The following CERS6 variants were observed in gnomAD, a reference collection of about 807,000 sequenced individuals.
CERS6 encodes the protein ceramide synthase 6.
In CERS6, 26 loss-of-function variants were observed where a neutral mutation model predicts 56.8. The ratio of observed to expected loss-of-function variants is 0.46; its 90% CI spans 0.34 to 0.63. The LOEUF is 0.63. Among genes scored for constraint, CERS6 ranks in the 30% least tolerant of loss-of-function variants. CERS6 has a pLI of 0.01. For synonymous variants in CERS6, 164 were observed against 173.3 expected, an observed-to-expected ratio of 0.95 and a Z score of 0.42; for missense variants, 415 against 467.5, an observed-to-expected ratio of 0.89 and a Z score of 1.04.
At chr2:168,592,146 C>T (rs1320211160) in intron 3 of CERS6, among the ~76,000 whole-genome samples, 1 of 152,190 alleles carries the variant, frequency 6.6e-6, no homozygotes, top group African/African-American at 2.4e-5. Context: ...ATGTACTTGA[C>T]TTACCAAAAG....
rs949746315 is a variant in CERS6 at position 168,714,233 on chromosome 2, T to G, written c.610-768T>G. On this transcript the variant is annotated intron_variant, in intron 6 of 9. Coordinates refer to ENST00000305747, the MANE Select transcript of CERS6 (RefSeq NM_203463.3). ...CTCCCAAATACCCCACCTCCTAATA[T>G]TATCGCCTTGAGCATTAAGATTTTA... Among the ~76,000 whole-genome samples the G allele has an allele frequency of 3.9e-5, 6 of 152,208 alleles. No individual in the cohort carries two copies. In the South Asian group the frequency reaches 1.0e-3, roughly 26 times the overall value.
In CERS6 at chr2:168,765,628, C is replaced by T. The variant is rs533838833; in HGVS notation, c.882C>T (p.Ile294=). The change falls in exon 9 of 10, where the codon ATC becomes ATT. Residue 294 remains isoleucine (I), a synonymous_variant. Coordinates refer to ENST00000305747, the MANE Select transcript of CERS6 (RefSeq NM_203463.3). ...LNTTLFESWE[I]VGPYPSWWVF... ...CCACATTATTTGAAAGCTGGGAGAT[C>T]GTTGGACCTTACCCTTCCTGGTGGG... is the stretch of plus-strand genomic sequence containing the variant. 1.5e-5 allele frequency: 25 copies of T among 1,613,920 alleles called. No individual in the cohort carries two copies. Among genetic ancestry groups the T allele is most frequent in the South Asian group, 7.7e-5 (7 of 91,056 alleles).
Position 168,770,625 on chromosome 2 carries a change from A to C in CERS6, c.*963A>C, listed in dbSNP as rs1002339878. 6.6e-6 allele frequency: 1 copy of C among 152,398 alleles called. No homozygotes were observed. Among genetic ancestry groups the C allele is most frequent in the Non-Finnish European group, 1.5e-5 (1 of 68,046 alleles). 9.4% of individuals were successfully genotyped at this position (152,398 alleles called of 1,614,324 possible). A position where few individuals can be genotyped will look rare whatever the true frequency, so the allele number is the denominator to read the frequency against. On this transcript the variant is annotated 3_prime_UTR_variant, in exon 10 of 10. Coordinates refer to ENST00000305747, the MANE Select transcript of CERS6 (RefSeq NM_203463.3). ...AGTTAACTATATTTGGGGACAAAAAAATATTTCAAGAGTTGATAAAGATTA... is the reference window on the plus strand; with the variant it reads ...AGTTAACTATATTTGGGGACAAAAACATATTTCAAGAGTTGATAAAGATTA...
chr2:168,675,814 G>C (rs1345643278), intron 4 of CERS6, among the ~76,000 whole-genome samples: 3 of 151,800 alleles, frequency 2.0e-5, no homozygotes, highest in Non-Finnish European at 4.4e-5. Flanking sequence ...AGCCTCCCAA[G>C]TAGTAGGGAA....
At chr2:168,516,714 A>G (rs1273990073) in intron 1 of CERS6, among the ~76,000 whole-genome samples, 8 of 152,212 alleles carry the variant, frequency 5.3e-5, no homozygotes, top group African/African-American at 1.9e-4. Context: ...TTGTTATTTG[A>G]TATGTGACCT....
At chr2:168,465,848 G>T (rs528723596) in intron 1 of CERS6, among the ~76,000 whole-genome samples, 2 of 152,024 alleles carry the variant, frequency 1.3e-5, no homozygotes, top group African/African-American at 2.4e-5. Flanking sequence ...GGTTATGATG[G>T]TAAGTGTTAT....
At chr2:168,675,400 C>A (rs1213934801) in intron 4 of CERS6, among the ~76,000 whole-genome samples, 1 of 152,078 alleles carries the variant, frequency 6.6e-6, no homozygotes, top group Non-Finnish European at 1.5e-5. Flanking sequence ...GACTGGGCAA[C>A]ATGGTGAAAC....
In CERS6 at chr2:168,547,080, G is replaced by T. The variant is rs1432616564; in HGVS notation, c.171-516G>T. Among the ~76,000 whole-genome samples the T allele has an allele frequency of 3.9e-5, 6 of 152,288 alleles. No homozygotes were observed. In the East Asian group the frequency reaches 9.6e-4, roughly 24 times the overall value. ...AACAAGCAAATAACCACAAAGCAGAGAATTTTAAGAAGCCATGAGGGATTG... is the reference window on the plus strand; with the variant it reads ...AACAAGCAAATAACCACAAAGCAGATAATTTTAAGAAGCCATGAGGGATTG... On this transcript the variant is annotated intron_variant, in intron 1 of 9. Coordinates refer to ENST00000305747, the MANE Select transcript of CERS6 (RefSeq NM_203463.3).
At chr2:168,734,190 C>T (rs372071191) in intron 8 of CERS6, among the ~76,000 whole-genome samples, 2 of 151,810 alleles carry the variant, frequency 1.3e-5, no homozygotes, top group South Asian at 4.2e-4. Flanking sequence ...GAGGTGTGGG[C>T]GGTGAGCAAA....
intron 3 of CERS6, among the ~76,000 whole-genome samples, chr2:168,605,526 G>A (rs1264003481): frequency 1.3e-5 from 2 of 152,220 alleles, no homozygotes; most frequent in Non-Finnish European, 2.9e-5. Context: ...CATAGATAAA[G>A]AGGAGCCTAG....
chr2:168,625,826 T>C (rs1222060669), intron 3 of CERS6, among the ~76,000 whole-genome samples: 1 of 152,148 alleles, frequency 6.6e-6, no homozygotes, highest in Non-Finnish European at 1.5e-5. Context: ...TTAGCTACCC[T>C]GGTATTGAAA....
chr2:168,741,878 A>AG (rs967852045), intron 8 of CERS6, among the ~76,000 whole-genome samples: 34 of 152,174 alleles, frequency 2.2e-4, no homozygotes, highest in Admixed American at 3.3e-4. Context: ...CAGAAGTTCC[A>AG]GGGTTATGCA....
At chr2:168,508,712 G>C (rs964183200) in intron 1 of CERS6, among the ~76,000 whole-genome samples, 2 of 151,988 alleles carry the variant, frequency 1.3e-5, no homozygotes, top group South Asian at 2.1e-4. Context: ...GCCCTGTCGG[G>C]GGGTGGGGGG....
At chr2:168,457,137 G>T (rs939707814) in intron 1 of CERS6, among the ~76,000 whole-genome samples, 5 of 152,358 alleles carry the variant, frequency 3.3e-5, no homozygotes, top group Middle Eastern at 3.4e-3. Context: ...TGCTTCAAAA[G>T]AATTCGCCAG....
At chr2:168,627,367 C>T (rs533632768) in intron 3 of CERS6, among the ~76,000 whole-genome samples, 9 of 152,198 alleles carry the variant, frequency 5.9e-5, no homozygotes, top group Non-Finnish European at 1.0e-4. Flanking sequence ...TCAGAATAGG[C>T]TGAAGTAATT....
intron 3 of CERS6, among the ~76,000 whole-genome samples, chr2:168,561,781 G>C (rs528723079): frequency 6.6e-6 from 1 of 152,256 alleles, no homozygotes; most frequent in Admixed American, 6.5e-5. Context: ...TTCTGGGTGA[G>C]TTTAATGAAG....
At chr2:168,498,006 C>T (rs1694503411) in intron 1 of CERS6, among the ~76,000 whole-genome samples, 1 of 152,138 alleles carries the variant, frequency 6.6e-6, no homozygotes, top group African/African-American at 2.4e-5. Context: ...TACCAAGCCT[C>T]CTGCATTTCT....
Position 168,717,925 on chromosome 2 carries a change from T to C in CERS6, c.792T>C (p.Phe264=). Residue 264 remains phenylalanine (F), a synonymous_variant, in exon 8 of 10, where the codon TTT becomes TTC. Transcript: ENST00000305747. ...TTCAGAAAATGTGTGATCTCCTGTT[T>C]GTTATGTTTGCCGTGGTTTTTATCA... ...AKFQKMCDLL[F]VMFAVVFITT... is the part of the protein sequence containing the mutation. 6.2e-7 allele frequency: 1 copy of C among 1,613,926 alleles called. No homozygotes were observed.
intron 1 of CERS6, among the ~76,000 whole-genome samples, chr2:168,470,250 G>T (rs375740633): frequency 1.3e-5 from 2 of 151,706 alleles, no homozygotes; most frequent in African/African-American, 2.4e-5. Flanking sequence ...GGGCGTGGTG[G>T]TATGCACCTG....
Sources: allele counts gnomAD v4.1 joint callset (sites outside exome capture counted in the v4.1 genomes callset), GRCh38; gene constraint gnomAD v4.1.1; transcripts MANE v1.5; gene names NCBI Gene and HGNC (gene_info 2026-07-23, HGNC 2026-07-21).